SLF1: variants seen among roughly 807,000 people sequenced by gnomAD.
SLF1 encodes SMC5-SMC6 complex localization factor protein 1.
SLF1 carries 105 observed loss-of-function variants against 123.0 expected under a neutral mutation model. The observed-to-expected ratio is 0.85, with a 90% CI of 0.73 to 1.00. The LOEUF (loss-of-function observed/expected upper bound fraction) is 1.00, where lower values mean the gene tolerates loss of function less well. Ranked by LOEUF, SLF1 falls within the 50% of genes least tolerant of loss-of-function variation. The pLI is 0.00. For synonymous variants in SLF1, 434 were observed against 406.6 expected (o/e 1.07, Z -0.81); for missense variants, 1,239 against 1,223.0 (o/e 1.01, Z -0.20).
intron 20 of SLF1, among the ~76,000 whole-genome samples, chr5:94,692,470 ATAT>A (rs144959388): frequency 6.6e-6 from 1 of 152,210 alleles, no homozygotes; most frequent in East Asian, 1.9e-4. Flanking sequence ...GTTTATGTAT[ATAT>A]TATTAAGCCT....
chr5:94,681,810 A>C (rs1041060671), intron 15 of SLF1, among the ~76,000 whole-genome samples: 1 of 152,156 alleles, frequency 6.6e-6, no homozygotes, highest in African/African-American at 2.4e-5. Context: ...ATCCATGTCT[A>C]GTTTTTTCTT....
intron 4 of SLF1, among the ~76,000 whole-genome samples, chr5:94,642,196 C>T (rs1396840099): frequency 6.6e-6 from 1 of 152,152 alleles, no homozygotes; most frequent in Non-Finnish European, 1.5e-5. Flanking sequence ...AGAAGTGGGC[C>T]TAGTTTTACA....
chr5:94,625,983 G>A (rs1249579954), intron 1 of SLF1, among the ~76,000 whole-genome samples: 1 of 151,982 alleles, frequency 6.6e-6, no homozygotes, highest in South Asian at 2.1e-4. Flanking sequence ...GGTCGGGCGC[G>A]GTGGCTCACG....
At chr5:94,682,051 T>C (rs1478725986) in intron 15 of SLF1, among the ~76,000 whole-genome samples, 1 of 152,092 alleles carries the variant, frequency 6.6e-6, no homozygotes, top group Non-Finnish European at 1.5e-5. Flanking sequence ...CGTGTGCACA[T>C]GTATACATTT....
At chr5:94,650,402 G>A (rs1275593236) in intron 6 of SLF1, among the ~76,000 whole-genome samples, 5 of 142,780 alleles carry the variant, frequency 3.5e-5, no homozygotes, top group East Asian at 4.1e-4. Flanking sequence ...TTGCTGTTTC[G>A]CCCAGGCTGG....
intron 6 of SLF1, 56 bp from the exon 7 acceptor site, chr5:94,651,646 T>C: frequency 2.2e-6 from 3 of 1,373,644 alleles, no homozygotes; most frequent in Non-Finnish European, 1.9e-6. Context: ...GTGTTGATTG[T>C]GTTAAGGCTA....
intron 1 of SLF1, among the ~76,000 whole-genome samples, chr5:94,625,700 A>G (rs1792176532): frequency 6.6e-6 from 1 of 152,094 alleles, no homozygotes; most frequent in Non-Finnish European, 1.5e-5. Context: ...ATCATTTTCT[A>G]AAGGAAATTT....
Position 94,643,420 on chromosome 5 carries a change from G to A in SLF1, c.579G>A (p.Gly193=). The change falls in exon 5 of 21, where the codon GGG becomes GGA. Residue 193 remains glycine (G), a synonymous_variant. Transcript: ENST00000265140. ...CATTTTATCCAATTCAGTATCTAGG[G>A]GATTTTCTTTTAGAGGTAAGTAAAA... ...KAPFYPIQYL[G]DFLLEKEIQN... is the part of the protein sequence containing the mutation. The A allele has an allele frequency of 3.4e-6, 5 of 1,471,858 alleles. No individual in the cohort carries two copies. The highest frequency in any genetic ancestry group is 3.6e-6 in the Non-Finnish European group (4 of 1,107,384). The allele number at this position is 1,471,858 out of a possible 1,614,324, so 91.2% of individuals were successfully genotyped here.
At chr5:94,622,689 G>C (rs1791903278) in intron 1 of SLF1, among the ~76,000 whole-genome samples, 1 of 151,962 alleles carries the variant, frequency 6.6e-6, no homozygotes, top group Non-Finnish European at 1.5e-5. Context: ...GTCTGTAAAG[G>C]TTATTTTGGG....
intron 4 of SLF1, among the ~76,000 whole-genome samples, chr5:94,642,861 T>A (rs1193250670): frequency 6.6e-6 from 1 of 152,178 alleles, no homozygotes; most frequent in Non-Finnish European, 1.5e-5. Context: ...TTTTGAAAGC[T>A]AACTTTTTAG....
At chr5:94,636,931 G>T (rs1745874603) in intron 4 of SLF1, among the ~76,000 whole-genome samples, 1 of 151,906 alleles carries the variant, frequency 6.6e-6, no homozygotes, top group African/African-American at 2.4e-5. Flanking sequence ...TGTTGGCCAG[G>T]TTGGTTTTAA....
intron 15 of SLF1, among the ~76,000 whole-genome samples, chr5:94,681,623 A>G (rs920721353): frequency 6.6e-6 from 1 of 151,476 alleles, no homozygotes; most frequent in African/African-American, 2.4e-5. Flanking sequence ...CATTAGGTAT[A>G]TCTCCCAATG....
intron 18 of SLF1, 53 bp downstream of exon 18, chr5:94,689,659 C>A: frequency 1.3e-6 from 2 of 1,508,074 alleles, no homozygotes; most frequent in South Asian, 2.5e-5. Flanking sequence ...TGGTTATAGT[C>A]AGTACTTGCA....
chr5:94,640,015 G>T (rs395097), intron 4 of SLF1, among the ~76,000 whole-genome samples: 33,088 of 152,022 alleles, frequency 0.22, 3,804 homozygotes, highest in East Asian at 0.38. Context: ...TTTTACTTTT[G>T]CTAGTCATTT....
chr5:94,646,167 G>A (rs1328180630), intron 5 of SLF1, among the ~76,000 whole-genome samples: 1 of 152,190 alleles, frequency 6.6e-6, no homozygotes, highest in African/African-American at 2.4e-5. Context: ...GTTTGCTTTA[G>A]CCCAGGATGT....
At chr5:94,628,683 C>A in intron 1 of SLF1, 128 bp from the exon 2 acceptor site, 1 of 516,460 alleles carries the variant, frequency 1.9e-6, no homozygotes, top group Non-Finnish European at 3.3e-6. Flanking sequence ...AACAGCTGTG[C>A]CTAACATCTT....
At chr5:94,686,764 T>C (rs1752473589) in intron 16 of SLF1, 46 bp downstream of exon 16, 4 of 1,537,260 alleles carry the variant, frequency 2.6e-6, no homozygotes, top group Non-Finnish European at 2.6e-6. Context: ...AAGAAGTGAG[T>C]TCACAAACTC....
chr5:94,629,857 A>C (rs906190012), intron 3 of SLF1: 1 of 152,240 alleles, frequency 6.6e-6, no homozygotes, highest in Non-Finnish European at 1.5e-5. Context: ...AGATAAAGAA[A>C]CTGTTGGTCG....
intron 4 of SLF1, among the ~76,000 whole-genome samples, chr5:94,640,759 G>T (rs564958365): frequency 2.6e-5 from 4 of 152,082 alleles, no homozygotes; most frequent in Admixed American, 2.0e-4. Flanking sequence ...CTGCAGATGA[G>T]CTTGTCGAAG....
Sources: gnomAD v4.1 joint callset for allele counts (sites outside exome capture counted in the v4.1 genomes callset) on GRCh38, gnomAD v4.1.1 for gene constraint, MANE v1.5 for transcripts, NCBI Gene and HGNC (gene_info 2026-07-23, HGNC 2026-07-21) for gene names.